Variants in GRIK1 observed in about 807,000 individuals in gnomAD.
The protein encoded by GRIK1 is glutamate ionotropic receptor kainate type subunit 1.
A neutral mutation model predicts 105.7 loss-of-function variants in GRIK1; 69 were observed. The ratio of observed to expected loss-of-function variants is 0.65; its 90% CI spans 0.54 to 0.80. The LOEUF (loss-of-function observed/expected upper bound fraction) is 0.80. Among genes scored for constraint, GRIK1 ranks in the 30% least tolerant of loss-of-function variants. GRIK1 has a pLI of 0.00. For missense variants in GRIK1, 1,109 were observed against 1,167.3 expected (o/e 0.95, Z 0.73); for synonymous variants, 438 against 431.3 (o/e 1.02, Z -0.19).
rs967151106 is a variant in GRIK1 at position 29,898,403 on chromosome 21, G to T, written c.118+40980C>A. 3.9e-5 allele frequency among the ~76,000 whole-genome samples: 6 copies of T among 152,128 alleles called. 1 individual carries two copies. The South Asian group carries it at 8.3e-4, about 21-fold the overall frequency. On this transcript the variant is annotated intron_variant, in intron 1 of 17. Coordinates refer to ENST00000327783, the MANE Select transcript of GRIK1 (RefSeq NM_001330994.2). ...GACAGAAGGGATGACAGGGCAAAAG[G>T]TTCTATGGGCACAGGTCAGGTGAGG...
chr21:29,693,847 G>A (rs962382453), intron 2 of GRIK1, 49 bp downstream of exon 2: 2 of 1,380,096 alleles, frequency 1.4e-6, no homozygotes, highest in African/African-American at 1.4e-5. Flanking sequence ...GTGACTTGGA[G>A]AGCAGACATA....
At position 29,620,987 on chromosome 21, in the gene GRIK1, T is replaced by A. The variant is rs4817299; in HGVS notation, c.1098+21839A>T. Among the ~76,000 whole-genome samples, 316 of 150,748 alleles carry A rather than the reference T, an allele frequency of 2.1e-3. 1 individual carries two copies. Among genetic ancestry groups the A allele is most frequent in the Admixed American group, 0.013 (202 of 15,060 alleles). On this transcript the variant is annotated intron_variant, in intron 7 of 17. Transcript: ENST00000327783. ...ACATATACAGAATTTGGAAAAAAAA[T>A]ATATATCTTATATTGCTCTAGGAAA...
At chr21:29,670,525 C>T (rs540012425) in intron 4 of GRIK1, among the ~76,000 whole-genome samples, 1 of 152,226 alleles carries the variant, frequency 6.6e-6, no homozygotes, top group East Asian at 1.9e-4. Flanking sequence ...AGCAGCCCTT[C>T]CCTGCCGCCA....
At chr21:29,802,803 A>G (rs913572133) in intron 1 of GRIK1, among the ~76,000 whole-genome samples, 4 of 152,174 alleles carry the variant, frequency 2.6e-5, no homozygotes, top group Non-Finnish European at 5.9e-5. Flanking sequence ...CACATAAAGT[A>G]TATACTGACT....
At chr21:29,776,041 C>A (rs1569079318) in intron 1 of GRIK1, among the ~76,000 whole-genome samples, 1 of 152,118 alleles carries the variant, frequency 6.6e-6, no homozygotes, top group Admixed American at 6.6e-5. Flanking sequence ...TACAAGGTGG[C>A]AGGAAGGAGA....
intron 5 of GRIK1, among the ~76,000 whole-genome samples, chr21:29,651,864 A>G (rs1315604529): frequency 6.6e-6 from 1 of 151,918 alleles, no homozygotes; most frequent in Non-Finnish European, 1.5e-5. Flanking sequence ...GCTGCTATAG[A>G]TTAAAACAAA....
At chr21:29,932,917 T>A (rs1487889481) in intron 1 of GRIK1, among the ~76,000 whole-genome samples, 1 of 151,184 alleles carries the variant, frequency 6.6e-6, no homozygotes, top group Non-Finnish European at 1.5e-5. Flanking sequence ...GCAAGTCTAG[T>A]GTAAAAAAAA....
intron 1 of GRIK1, among the ~76,000 whole-genome samples, chr21:29,821,687 G>C (rs2145927161): frequency 6.6e-6 from 1 of 152,116 alleles, no homozygotes; most frequent in Middle Eastern, 3.4e-3. Flanking sequence ...GTTATAATCT[G>C]CATCTTTATA....
rs142944109 is a variant in GRIK1, at chr21:29,825,061, A to G, written c.118+114322T>C. On this transcript the variant is annotated intron_variant, in intron 1 of 17. Transcript: ENST00000327783. ...TGTGGGAAGAATTAATTATTTTAAT[A>G]AATGATTAAAGATTAGAGCCAGAGA... Among the ~76,000 whole-genome samples, 548 of 152,202 alleles carry G rather than the reference A, an allele frequency of 3.6e-3. 1 individual carries two copies. The highest frequency in any genetic ancestry group is 0.014 in the Middle Eastern group (4 of 294).
chr21:29,836,629 A>G (rs1021151785), intron 1 of GRIK1, among the ~76,000 whole-genome samples: 6 of 152,334 alleles, frequency 3.9e-5, no homozygotes, highest in South Asian at 2.1e-4. Flanking sequence ...ATAAGTATAT[A>G]TTTAATAGAT....
At chr21:29,583,392 AATTT>A (rs1279394679) in intron 12 of GRIK1, among the ~76,000 whole-genome samples, 1 of 152,224 alleles carries the variant, frequency 6.6e-6, no homozygotes, top group African/African-American at 2.4e-5. Flanking sequence ...CTTGTACAAT[AATTT>A]AAAAATATTA....
intron 1 of GRIK1, among the ~76,000 whole-genome samples, chr21:29,813,086 C>T (rs559760592): frequency 6.6e-6 from 1 of 152,174 alleles, no homozygotes; most frequent in Non-Finnish European, 1.5e-5. Context: ...CTAGGCAGCT[C>T]TCTCAGAGCA....
intron 6 of GRIK1, among the ~76,000 whole-genome samples, chr21:29,644,389 G>A (rs2062575622): frequency 6.6e-6 from 1 of 152,122 alleles, no homozygotes; most frequent in Non-Finnish European, 1.5e-5. Context: ...TCCTGACACA[G>A]AAAAGTTGTT....
intron 1 of GRIK1, among the ~76,000 whole-genome samples, chr21:29,779,750 T>C (rs1036597703): frequency 6.6e-6 from 1 of 152,188 alleles, no homozygotes; most frequent in Non-Finnish European, 1.5e-5. Context: ...AAAATTCCAC[T>C]AATTTACTAT....
Position 29,827,916 on chromosome 21 carries a change from C to A in GRIK1, c.118+111467G>T, listed in dbSNP as rs78800156. ...ATTTAGCTGATGGGTCAGTTAGAGG[C>A]TTGAATTGGCTGGGCCACTGAGTTT... On this transcript the variant is annotated intron_variant, in intron 1 of 17. Coordinates refer to ENST00000327783, the MANE Select transcript of GRIK1 (RefSeq NM_001330994.2). Among the ~76,000 whole-genome samples, 104 of 151,694 alleles carry A rather than the reference C, an allele frequency of 6.9e-4. No homozygotes were observed. In the East Asian group the frequency reaches 0.019, roughly 28 times the overall value.
At position 29,603,208 on chromosome 21, in the gene GRIK1, G is replaced by A. The variant is rs550953625; in HGVS notation, c.1099-4271C>T. Among the ~76,000 whole-genome samples, 4 of 152,016 alleles carry A rather than the reference G, an allele frequency of 2.6e-5. No homozygotes were observed. In the East Asian group the frequency reaches 7.7e-4, roughly 29 times the overall value. On this transcript the variant is annotated intron_variant, in intron 7 of 17. Transcript: ENST00000327783. ...AGATAGAGTGGATATTATGACAAAA[G>A]GATACTTTACCACTGATAGTGCTGG...
chr21:29,793,911 T>C (rs2066490438), intron 1 of GRIK1, among the ~76,000 whole-genome samples: 1 of 152,200 alleles, frequency 6.6e-6, no homozygotes, highest in Admixed American at 6.5e-5. Flanking sequence ...TTCACAAACT[T>C]TGCCCTCGTG....
intron 1 of GRIK1, among the ~76,000 whole-genome samples, chr21:29,903,690 T>C (rs1320298721): frequency 6.6e-6 from 1 of 152,192 alleles, no homozygotes; most frequent in East Asian, 1.9e-4. Flanking sequence ...GGTGGAAGTG[T>C]AAATTAGTTC....
chr21:29,761,503 T>G (rs1000858744), intron 1 of GRIK1: 3 of 152,142 alleles, frequency 2.0e-5, no homozygotes, highest in African/African-American at 7.2e-5. Context: ...CTGTATAACT[T>G]TCAACAAGAA....
Sources: allele counts gnomAD v4.1 joint callset (sites outside exome capture counted in the v4.1 genomes callset), GRCh38; gene constraint gnomAD v4.1.1; transcripts MANE v1.5; gene names NCBI Gene and HGNC (gene_info 2026-07-23, HGNC 2026-07-21).